ADAMTS15: variants seen among roughly 807,000 people sequenced by gnomAD.
ADAMTS15 encodes the protein ADAM metallopeptidase with thrombospondin type 1 motif 15.
ADAMTS15 carries 35 observed loss-of-function variants against 79.1 expected under a neutral mutation model. The observed-to-expected ratio is 0.44, with a 90% CI of 0.34 to 0.59. The LOEUF (loss-of-function observed/expected upper bound fraction) is 0.59, where lower values mean the gene tolerates loss of function less well. ADAMTS15 is among the 20% of genes least tolerant of loss of function. The pLI is 0.02. For missense variants in ADAMTS15, 1,324 were observed against 1,318.7 expected (o/e 1.00, Z -0.06); for synonymous variants, 616 against 567.3 (o/e 1.09, Z -1.22).
chr11:130,465,237 C>T (rs1176884950), intron 4 of ADAMTS15, among the ~76,000 whole-genome samples: 1 of 152,132 alleles, frequency 6.6e-6, no homozygotes, highest in Admixed American at 6.5e-5. Flanking sequence ...AACTTCCACC[C>T]ACCTCCCGAC....
At chr11:130,456,188 C>T (rs1488645635) in intron 1 of ADAMTS15, among the ~76,000 whole-genome samples, 1 of 152,132 alleles carries the variant, frequency 6.6e-6, no homozygotes. Flanking sequence ...GCAGATAAAA[C>T]TCTCGCGACA....
At chr11:130,473,017 C>G (rs751474936) in intron 7 of ADAMTS15, 30 bp from the exon 8 acceptor site, 34 of 1,608,610 alleles carry the variant, frequency 2.1e-5, no homozygotes, top group African/African-American at 2.7e-5. Flanking sequence ...AGGCTTCTAT[C>G]TGATGCACGG....
In ADAMTS15 at chr11:130,448,998, C is replaced by A; in HGVS notation, c.25C>A (p.Leu9Met). ...CATGCTTCTGCTGGGCATCCTAACCCTGGCTTTCGCCGGGCGAACCGCTGG... is the reference window on the plus strand; with the variant it reads ...CATGCTTCTGCTGGGCATCCTAACCATGGCTTTCGCCGGGCGAACCGCTGG... MLLLGILTLAFAGRTAGGS... is the reference protein window; with the variant it reads MLLLGILTMAFAGRTAGGS... Residue 9 changes from leucine to methionine, a missense_variant, in exon 1 of 8, where the codon CTG (leucine) becomes ATG (methionine). Physicochemically the swap from Leu to Met is conservative, Grantham distance 15. Transcript: ENST00000299164. 1 of 1,509,670 alleles carries A rather than the reference C, an allele frequency of 6.6e-7. No homozygotes were observed. Among genetic ancestry groups the A allele is most frequent in the South Asian group, 1.4e-5 (1 of 72,558 alleles). 93.5% of individuals were successfully genotyped at this position (1,509,670 alleles called of 1,614,324 possible). A position where few individuals can be genotyped will look rare whatever the true frequency, so the allele number is the denominator to read the frequency against.
chr11:130,468,008 A>G lies in ADAMTS15; in HGVS notation c.1543-1254A>G, dbSNP rs546727091. Among the ~76,000 whole-genome samples the G allele has an allele frequency of 5.3e-5, 8 of 152,342 alleles. No individual in the cohort carries two copies. The South Asian group carries it at 1.5e-3, about 28-fold the overall frequency. On this transcript the variant is annotated intron_variant, in intron 4 of 7. Coordinates refer to ENST00000299164, the MANE Select transcript of ADAMTS15 (RefSeq NM_139055.4). Reference sequence around the variant, plus strand: ...CTAAGGAAGAAAAACATTCACGTCTATGGTGACATTTTTTATCCGCAGGGC... The same window carrying G: ...CTAAGGAAGAAAAACATTCACGTCTGTGGTGACATTTTTTATCCGCAGGGC...
At chr11:130,461,400 G>A (rs1938195221) in intron 1 of ADAMTS15, 89 bp from the exon 2 acceptor site, 12 of 1,578,868 alleles carry the variant, frequency 7.6e-6, no homozygotes, top group African/African-American at 1.3e-5. Flanking sequence ...GAGCTGGAAT[G>A]TCCTATAGGA....
chr11:130,468,790 A>C (rs1197904213), intron 4 of ADAMTS15, among the ~76,000 whole-genome samples: 1 of 147,302 alleles, frequency 6.8e-6, no homozygotes, highest in Admixed American at 6.7e-5. Context: ...AAAAATAATT[A>C]GCCGGGCATG....
rs1490181200 is a variant in ADAMTS15 at position 130,470,167 on chromosome 11, T to C, written c.1720+728T>C. 1.6e-3 allele frequency among the ~76,000 whole-genome samples: 93 copies of C among 57,488 alleles called. 2 individuals are homozygous for C. Among genetic ancestry groups the C allele is most frequent in the African/African-American group, 6.5e-3 (61 of 9,442 alleles). The allele number at this position is 57,488 out of a possible 152,430, so 37.7% of individuals were successfully genotyped here. A position where few individuals can be genotyped will look rare whatever the true frequency, so the allele number is the denominator to read the frequency against. On this transcript the variant is annotated intron_variant, in intron 5 of 7. Transcript: ENST00000299164. Reference sequence around the variant, plus strand: ...ATATATATATGTGTATATATATATATATATATATATATATGTGTGTATATA... The same window carrying C: ...ATATATATATGTGTATATATATATACATATATATATATATGTGTGTATATA...
intron 5 of ADAMTS15, 84 bp from the exon 6 acceptor site, chr11:130,470,836 A>T (rs1226851749): frequency 4.1e-6 from 6 of 1,468,674 alleles, no homozygotes; most frequent in Non-Finnish European, 5.5e-6. Flanking sequence ...TAAGAGAGCC[A>T]CGGCAGGCTG....
intron 1 of ADAMTS15, among the ~76,000 whole-genome samples, chr11:130,459,887 C>T (rs1303449336): frequency 1.3e-5 from 2 of 152,258 alleles, no homozygotes; most frequent in Non-Finnish European, 2.9e-5. Context: ...CTGCTGCCCA[C>T]CTTCGCCCCT....
At chr11:130,457,502 C>T (rs904643669) in intron 1 of ADAMTS15, among the ~76,000 whole-genome samples, 1 of 152,110 alleles carries the variant, frequency 6.6e-6, no homozygotes, top group Non-Finnish European at 1.5e-5. Context: ...TAGAAAATAA[C>T]AGTCCAGGAG....
Position 130,449,786 on chromosome 11 carries a change from TC to T in ADAMTS15, c.814del (p.Arg273GlufsTer15), listed in dbSNP as rs1565389956. 1 of 1,612,252 alleles carries T rather than the reference TC, an allele frequency of 6.2e-7. No individual in the cohort carries two copies. The highest frequency in any genetic ancestry group is 2.2e-5 in the East Asian group (1 of 44,876). On this transcript the variant is annotated frameshift_variant, in exon 1 of 8. Coordinates refer to ENST00000299164, the MANE Select transcript of ADAMTS15 (RefSeq NM_139055.4). LOFTEE classifies it high-confidence loss of function. The surrounding 1 kb of genome is among the most constrained non-coding windows in gnomAD (Gnocchi z 7.8). The part of the protein sequence containing the change: ...INIVVVKVLL[L>X]RDRDSGPKVT... ...ACATCGTTGTGGTCAAGGTGCTGCT[TC>T]TTAGAGATCGTGACTCCGGGCCCAA... is the stretch of plus-strand genomic sequence containing the variant.
In ADAMTS15 at chr11:130,472,412, C is replaced by G. The variant is rs573010604; in HGVS notation, c.2079-635C>G. Among the ~76,000 whole-genome samples the G allele has an allele frequency of 9.5e-4, 144 of 152,302 alleles. No homozygotes were observed. The highest frequency in any genetic ancestry group is 3.3e-3 in the African/African-American group (136 of 41,566). ...CACGTGGGGAGTGGGAGGTACATAC[C>G]CCAGGCTTGCCTCACTGGTTAAGTG... On this transcript the variant is annotated intron_variant, in intron 7 of 7. Coordinates refer to ENST00000299164, the MANE Select transcript of ADAMTS15 (RefSeq NM_139055.4). The surrounding 1 kb of genome is among the most constrained non-coding windows in gnomAD (Gnocchi z 4.7).
At chr11:130,459,396 A>T (rs1237236917) in intron 1 of ADAMTS15, among the ~76,000 whole-genome samples, 2 of 151,898 alleles carry the variant, frequency 1.3e-5, no homozygotes, top group Non-Finnish European at 2.9e-5. Flanking sequence ...GAACTCCTAG[A>T]CTTAAGCGAT....
At position 130,473,620 on chromosome 11, in the gene ADAMTS15, C is replaced by A. The variant is rs143168028; in HGVS notation, c.2652C>A (p.Pro884=). 66 of 1,609,668 alleles carry A rather than the reference C, an allele frequency of 4.1e-5. 1 individual carries two copies. The East Asian group carries it at 1.4e-3, about 34-fold the overall frequency. ...TVPACDAAHR[P]VETQACGEPC... ...CTGCCTGTGATGCAGCCCATCGGCC[C>A]GTGGAGACACAAGCCTGCGGGGAGC... is the stretch of plus-strand genomic sequence containing the variant. Residue 884 remains proline (P), a synonymous_variant, in exon 8 of 8, where the codon CCC becomes CCA. Coordinates refer to ENST00000299164, the MANE Select transcript of ADAMTS15 (RefSeq NM_139055.4).
intron 4 of ADAMTS15, 95 bp from the exon 5 acceptor site, chr11:130,469,167 G>A (rs558699132): frequency 8.6e-7 from 1 of 1,158,754 alleles, no homozygotes; most frequent in African/African-American, 1.6e-5. Flanking sequence ...GGTGGGATGA[G>A]AACTTGGAGG....
At chr11:130,458,087 C>A (rs2134722707) in intron 1 of ADAMTS15, among the ~76,000 whole-genome samples, 1 of 152,280 alleles carries the variant, frequency 6.6e-6, no homozygotes, top group East Asian at 1.9e-4. Flanking sequence ...GAAAATCCAC[C>A]CTCCCTAGGA....
intron 5 of ADAMTS15, among the ~76,000 whole-genome samples, chr11:130,470,091 A>G (rs1391195500): frequency 7.2e-6 from 1 of 139,250 alleles, no homozygotes; most frequent in African/African-American, 2.8e-5. Flanking sequence ...CTTCAGAATT[A>G]TAGTAGTTAT....
At position 130,448,997 on chromosome 11, in the gene ADAMTS15, C is replaced by G; in HGVS notation, c.24C>G (p.Thr8=). 1 of 1,509,400 alleles carries G rather than the reference C, an allele frequency of 6.6e-7. No individual in the cohort carries two copies. The highest frequency in any genetic ancestry group is 8.9e-7 in the Non-Finnish European group (1 of 1,129,274). 93.5% of individuals were successfully genotyped at this position (1,509,400 alleles called of 1,614,324 possible). MLLLGIL[T]LAFAGRTAGG... is the part of the protein sequence containing the mutation. ...CCATGCTTCTGCTGGGCATCCTAAC[C>G]CTGGCTTTCGCCGGGCGAACCGCTG... is the stretch of plus-strand genomic sequence containing the variant. Residue 8 remains threonine, a synonymous_variant, in exon 1 of 8, where the codon ACC becomes ACG. Transcript: ENST00000299164.
chr11:130,461,737 G>A, intron 2 of ADAMTS15, 116 bp downstream of exon 2: 1 of 1,433,378 alleles, frequency 7.0e-7, no homozygotes, highest in Non-Finnish European at 9.4e-7. Context: ...CCTTCTTAGG[G>A]CACAGTGAGC....
Sources: allele counts gnomAD v4.1 joint callset (sites outside exome capture counted in the v4.1 genomes callset), GRCh38; gene constraint gnomAD v4.1.1; non-coding constraint Gnocchi (gnomAD v3.1); transcripts MANE v1.5; gene names NCBI Gene and HGNC (gene_info 2026-07-23, HGNC 2026-07-21).